Variants in CD99 observed in about 807,000 individuals in gnomAD.
CD99 encodes the protein CD99 antigen.
In CD99, 19 loss-of-function variants were observed where a neutral mutation model predicts 28.4. The observed-to-expected ratio is 0.67, with a 90% CI of 0.47 to 0.98. The LOEUF (loss-of-function observed/expected upper bound fraction) is 0.98, where lower values mean the gene tolerates loss of function less well. CD99 is among the 50% of genes least tolerant of loss of function. CD99 has a pLI of 0.00. For missense variants in CD99, 283 were observed against 248.8 expected, an observed-to-expected ratio of 1.14 and a Z score of -0.92; for synonymous variants, 103 against 92.1, an observed-to-expected ratio of 1.12 and a Z score of -0.67.
At chrX:2,730,468 G>A (rs1278490503) in intron 8 of CD99, among the ~76,000 whole-genome samples, 1 of 151,966 alleles carries the variant, frequency 6.6e-6, no homozygotes, top group Non-Finnish European at 1.5e-5. Flanking sequence ...CACCGTGCCC[G>A]GCCCCCAAAA....
chrX:2,694,886 A>G (rs1173988571), intron 1 of CD99, among the ~76,000 whole-genome samples: 1 of 152,108 alleles, frequency 6.6e-6, no homozygotes, highest in Non-Finnish European at 1.5e-5. Flanking sequence ...TCTGGAAATC[A>G]TTTTTCTTCC....
chrX:2,723,403 G>T (rs772861423), intron 7 of CD99, 39 bp downstream of exon 7: 1 of 1,608,536 alleles, frequency 6.2e-7, no homozygotes, highest in African/African-American at 1.3e-5. Flanking sequence ...TCTCTCCCAC[G>T]TGGTGTTGAG....
At chrX:2,699,465 G>A (rs2047741202) in intron 1 of CD99, among the ~76,000 whole-genome samples, 3 of 135,938 alleles carry the variant, frequency 2.2e-5, no homozygotes, top group Non-Finnish European at 4.6e-5. Flanking sequence ...ACCGCGCCCA[G>A]CCTTTTTTTT....
intron 1 of CD99, among the ~76,000 whole-genome samples, chrX:2,692,603 G>A (rs2047378932): frequency 6.6e-6 from 1 of 152,166 alleles, no homozygotes; most frequent in African/African-American, 2.4e-5. Context: ...AAAACTTGGA[G>A]GACTTTCCAG....
At chrX:2,699,326 C>A (rs897299019) in intron 1 of CD99, among the ~76,000 whole-genome samples, 1 of 151,862 alleles carries the variant, frequency 6.6e-6, no homozygotes, top group Admixed American at 6.6e-5. Context: ...CGCACCACCA[C>A]GCCTGGCTAA....
intron 1 of CD99, among the ~76,000 whole-genome samples, chrX:2,692,984 T>C (rs2047401857): frequency 6.6e-6 from 1 of 152,148 alleles, no homozygotes; most frequent in Non-Finnish European, 1.5e-5. Flanking sequence ...GGGTTCCCAG[T>C]GGTAAATCTT....
intron 1 of CD99, among the ~76,000 whole-genome samples, chrX:2,696,226 T>C (rs28667678): frequency 0.29 from 43,546 of 151,902 alleles, 6,388 homozygotes; most frequent in African/African-American, 0.32. Flanking sequence ...TTCTGAGTCC[T>C]GTGTTCCATG....
chrX:2,701,480 T>C (rs2047859970), intron 1 of CD99, among the ~76,000 whole-genome samples: 2 of 152,376 alleles, frequency 1.3e-5, no homozygotes, highest in Admixed American at 1.3e-4. Context: ...GAGCAGGGAC[T>C]ACACTTGTTC....
At chrX:2,700,939 ATCCATCCATACC>A in intron 1 of CD99, among the ~76,000 whole-genome samples, 1 of 132,064 alleles carries the variant, frequency 7.6e-6, no homozygotes, top group East Asian at 2.3e-4. Context: ...CCACCCAACC[ATCCATCCATACC>A]TCCATCCGTC....
chrX:2,724,897 CA>C (rs928597818), intron 7 of CD99, among the ~76,000 whole-genome samples: 572 of 120,078 alleles, frequency 4.8e-3, no homozygotes, highest in African/African-American at 9.3e-3. Flanking sequence ...GACTGCATTT[CA>C]AAAAAAAAAA....
At chrX:2,723,121 G>A (rs1436641848) in intron 6 of CD99, among the ~76,000 whole-genome samples, 193 bp from the exon 7 acceptor site, 7 of 152,324 alleles carry the variant, frequency 4.6e-5, no homozygotes, top group Admixed American at 2.6e-4. Flanking sequence ...GAGTGTAACA[G>A]GCAGCACCTC....
intron 1 of CD99, chrX:2,692,077 T>C (rs2047335735): frequency 3.3e-6 from 2 of 606,376 alleles, no homozygotes; most frequent in Non-Finnish European, 5.9e-6. Flanking sequence ...GGTGGAGAAT[T>C]CGGAAAACAG....
intron 8 of CD99, among the ~76,000 whole-genome samples, chrX:2,735,362 A>G (rs2049880802): frequency 6.6e-6 from 1 of 152,220 alleles, no homozygotes; most frequent in Non-Finnish European, 1.5e-5. Context: ...CAGATGTGGC[A>G]TGCTTGGTCT....
chrX:2,736,871 A>G (rs1340716756), intron 8 of CD99, among the ~76,000 whole-genome samples: 1 of 147,472 alleles, frequency 6.8e-6, no homozygotes, highest in Non-Finnish European at 1.5e-5. Flanking sequence ...AAATAATAAT[A>G]ATAATAAATA....
At chrX:2,739,905 G>A (rs2050119020) in intron 9 of CD99, among the ~76,000 whole-genome samples, 2 of 138,736 alleles carry the variant, frequency 1.4e-5, no homozygotes, top group African/African-American at 2.8e-5. Context: ...GAGAAACCAC[G>A]TCTCTACTAA....
At chrX:2,693,175 A>C (rs1218740208) in intron 1 of CD99, among the ~76,000 whole-genome samples, 2 of 148,314 alleles carry the variant, frequency 1.3e-5, no homozygotes, top group South Asian at 2.1e-4. Flanking sequence ...ACGGAGTTTC[A>C]CTCTGTCACC....
chrX:2,702,639 G>A (rs28693027), intron 1 of CD99, among the ~76,000 whole-genome samples: 1 of 151,962 alleles, frequency 6.6e-6, no homozygotes, highest in Non-Finnish European at 1.5e-5. Context: ...TTGTGACTTA[G>A]GTAAACATGT....
At chrX:2,737,922 GA>G (rs2050027934) in intron 8 of CD99, 1 of 643,898 alleles carries the variant, frequency 1.6e-6, no homozygotes, top group Non-Finnish European at 2.9e-6. Context: ...TTAGGGAGAA[GA>G]AAGCAACCCT....
intron 4 of CD99, 101 bp downstream of exon 4, chrX:2,719,806 C>T (rs1272058564): frequency 1.0e-5 from 13 of 1,274,826 alleles, no homozygotes; most frequent in Middle Eastern, 2.0e-4. Flanking sequence ...ATAAAGGGAA[C>T]CAGTTTTCAC....
Sources: allele counts gnomAD v4.1 joint callset (sites outside exome capture counted in the v4.1 genomes callset), GRCh38; gene constraint gnomAD v4.1.1; transcripts MANE v1.5; gene names NCBI Gene and HGNC (gene_info 2026-07-23, HGNC 2026-07-21).